Variants in ZFAND3 observed in about 807,000 individuals in gnomAD.
ZFAND3 encodes AN1-type zinc finger protein 3.
ZFAND3 carries 10 observed loss-of-function variants against 29.6 expected under a neutral mutation model. That is an observed-to-expected ratio of 0.34 (90% CI 0.21 to 0.57). The LOEUF is 0.57. Among genes scored for constraint, ZFAND3 ranks in the 20% least tolerant of loss-of-function variants. ZFAND3 has a pLI of 0.86. For synonymous variants in ZFAND3, 128 were observed against 112.6 expected (o/e 1.14, Z -0.87); for missense variants, 230 against 304.5 (o/e 0.76, Z 1.82).
At chr6:37,927,208 A>C (rs1761500698) in intron 1 of ZFAND3, among the ~76,000 whole-genome samples, 1 of 152,240 alleles carries the variant, frequency 6.6e-6, no homozygotes, top group Non-Finnish European at 1.5e-5. Flanking sequence ...TCTGAGAAAA[A>C]GGCCATTTTG....
chr6:37,844,093 T>C (rs1333578370), intron 1 of ZFAND3, among the ~76,000 whole-genome samples: 1 of 151,992 alleles, frequency 6.6e-6, no homozygotes, highest in East Asian at 1.9e-4. Flanking sequence ...TCTTTTTTTC[T>C]TTTCTTTTTT....
At chr6:38,131,701 A>T (rs966158510) in intron 5 of ZFAND3, among the ~76,000 whole-genome samples, 1 of 152,220 alleles carries the variant, frequency 6.6e-6, no homozygotes, top group African/African-American at 2.4e-5. Context: ...AGCAGGCAGG[A>T]GTACATGATG....
At chr6:38,079,086 C>T (rs138143811) in intron 3 of ZFAND3, among the ~76,000 whole-genome samples, 169 of 152,246 alleles carry the variant, frequency 1.1e-3, no homozygotes, top group African/African-American at 3.9e-3. Flanking sequence ...TTGGAACTAC[C>T]TGTAATTGTG....
At chr6:38,088,143 A>C (rs1764793918) in intron 4 of ZFAND3, among the ~76,000 whole-genome samples, 1 of 152,214 alleles carries the variant, frequency 6.6e-6, no homozygotes, top group South Asian at 2.1e-4. Context: ...TGAATGGATA[A>C]AGAAAATGTG....
At chr6:38,001,542 G>A (rs1442671436) in intron 2 of ZFAND3, among the ~76,000 whole-genome samples, 2 of 152,152 alleles carry the variant, frequency 1.3e-5, no homozygotes, top group African/African-American at 2.4e-5. Flanking sequence ...TTATCTTTTA[G>A]TGGGCTTTTG....
intron 1 of ZFAND3, among the ~76,000 whole-genome samples, chr6:37,821,454 C>T (rs938717081): frequency 7.9e-5 from 12 of 152,192 alleles, no homozygotes; most frequent in Admixed American, 5.2e-4. Context: ...GTCTAATTCC[C>T]ACAAGAATCT....
At chr6:38,086,376 G>C (rs1764757670) in intron 4 of ZFAND3, among the ~76,000 whole-genome samples, 1 of 152,120 alleles carries the variant, frequency 6.6e-6, no homozygotes, top group Non-Finnish European at 1.5e-5. Context: ...TCTTTGTAGA[G>C]TTCTAGGATC....
intron 2 of ZFAND3, among the ~76,000 whole-genome samples, chr6:37,977,875 T>TC (rs376913321): frequency 9.8e-3 from 381 of 38,800 alleles, no homozygotes; most frequent in Middle Eastern, 0.018. Flanking sequence ...TTCCTTTCCT[T>TC]CTTCCTTCCT....
intron 2 of ZFAND3, among the ~76,000 whole-genome samples, chr6:37,968,340 G>C (rs563303456): frequency 7.9e-5 from 12 of 151,666 alleles, no homozygotes; most frequent in African/African-American, 2.9e-4. Context: ...ACCATTGATA[G>C]GATATTATGC....
At chr6:38,086,669 T>C (rs1291269186) in intron 4 of ZFAND3, among the ~76,000 whole-genome samples, 1 of 152,228 alleles carries the variant, frequency 6.6e-6, no homozygotes, top group Admixed American at 6.5e-5. Context: ...CTTCAGCTAA[T>C]AAAATACTGT....
chr6:37,987,367 A>T (rs954295781), intron 2 of ZFAND3, among the ~76,000 whole-genome samples: 2 of 152,248 alleles, frequency 1.3e-5, no homozygotes, highest in African/African-American at 4.8e-5. Flanking sequence ...ATTGGTGAGT[A>T]TTAACCAAAA....
At chr6:38,061,080 G>A (rs1764228548) in intron 2 of ZFAND3, among the ~76,000 whole-genome samples, 2 of 152,086 alleles carry the variant, frequency 1.3e-5, no homozygotes, top group South Asian at 4.2e-4. Context: ...TATGTCCCTT[G>A]TAAATTGAAT....
intron 2 of ZFAND3, among the ~76,000 whole-genome samples, chr6:37,978,856 G>C (rs1272959475): frequency 1.3e-5 from 2 of 152,036 alleles, no homozygotes; most frequent in Non-Finnish European, 2.9e-5. Context: ...GTAGAGATGG[G>C]GTTTTACCAT....
chr6:37,830,082 T>A (rs752009693), intron 1 of ZFAND3, among the ~76,000 whole-genome samples: 2 of 152,194 alleles, frequency 1.3e-5, no homozygotes, highest in African/African-American at 4.8e-5. Flanking sequence ...CTAAATAAAT[T>A]AGATTTTTAC....
At chr6:37,901,710 G>A (rs1048360799) in intron 1 of ZFAND3, among the ~76,000 whole-genome samples, 3 of 152,198 alleles carry the variant, frequency 2.0e-5, no homozygotes, top group Admixed American at 6.5e-5. Context: ...AAGCCTTTTA[G>A]AGGGGCTTCA....
At chr6:38,068,461 T>C (rs751612710) in intron 3 of ZFAND3, among the ~76,000 whole-genome samples, 2 of 152,202 alleles carry the variant, frequency 1.3e-5, no homozygotes, top group Non-Finnish European at 2.9e-5. Context: ...AGAAAAAGTT[T>C]GCAAAACCCT....
At chr6:38,124,327 G>A (rs933039045) in intron 5 of ZFAND3, among the ~76,000 whole-genome samples, 5 of 152,224 alleles carry the variant, frequency 3.3e-5, no homozygotes, top group Non-Finnish European at 5.9e-5. Flanking sequence ...CCATGCGCCC[G>A]CAATCCTCAG....
At chr6:37,935,612 A>C (rs1335926890) in intron 2 of ZFAND3, among the ~76,000 whole-genome samples, 1 of 152,178 alleles carries the variant, frequency 6.6e-6, no homozygotes, top group African/African-American at 2.4e-5. Context: ...TAGTAAAGTT[A>C]TTTTGTGAAA....
intron 1 of ZFAND3, among the ~76,000 whole-genome samples, chr6:37,845,360 G>C (rs756256374): frequency 2.6e-4 from 40 of 151,970 alleles, no homozygotes; most frequent in Non-Finnish European, 5.1e-4. Flanking sequence ...TTTCTTCTGG[G>C]TTAAAATTTA....
Sources: allele counts gnomAD v4.1 joint callset (sites outside exome capture counted in the v4.1 genomes callset), GRCh38; gene constraint gnomAD v4.1.1; transcripts MANE v1.5; gene names NCBI Gene and HGNC (gene_info 2026-07-23, HGNC 2026-07-21).